EXOC2: variants seen among roughly 807,000 people sequenced by gnomAD.
EXOC2 encodes the protein exocyst complex component 2, also known as SEC5-like 1.
In EXOC2, 70 loss-of-function variants were observed where a neutral mutation model predicts 131.8. The observed-to-expected ratio is 0.53, with a 90% CI of 0.44 to 0.65. The LOEUF is 0.65. EXOC2 is among the 30% of genes least tolerant of loss of function. EXOC2 has a pLI of 0.00. For missense variants in EXOC2, 923 were observed against 1,108.6 expected (o/e 0.83, Z 2.38); for synonymous variants, 411 against 398.4 (o/e 1.03, Z -0.38).
At chr6:603,139 GGA>G (rs1380958477) in intron 7 of EXOC2, among the ~76,000 whole-genome samples, 1 of 152,164 alleles carries the variant, frequency 6.6e-6, no homozygotes, top group African/African-American at 2.4e-5. Context: ...GCTGTGAATT[GGA>G]GAGGTCAGAG....
At chr6:642,834 T>C (rs1762415554) in intron 1 of EXOC2, among the ~76,000 whole-genome samples, 1 of 152,018 alleles carries the variant, frequency 6.6e-6, no homozygotes, top group African/African-American at 2.4e-5. Context: ...TCAATATAGT[T>C]ATAGAAATAG....
chr6:537,141 T>G (rs1766488054), intron 22 of EXOC2, among the ~76,000 whole-genome samples: 1 of 152,200 alleles, frequency 6.6e-6, no homozygotes, highest in Admixed American at 6.5e-5. Flanking sequence ...ATGCAGTTTA[T>G]AACCGAGTTT....
At chr6:673,008 C>G (rs1020167163) in intron 1 of EXOC2, among the ~76,000 whole-genome samples, 1 of 151,744 alleles carries the variant, frequency 6.6e-6, no homozygotes, top group African/African-American at 2.4e-5. Flanking sequence ...CCCTGTAATC[C>G]CAGCACTTTG....
At chr6:508,341 A>G (rs1350656988) in intron 23 of EXOC2, among the ~76,000 whole-genome samples, 1 of 152,134 alleles carries the variant, frequency 6.6e-6, no homozygotes, top group African/African-American at 2.4e-5. Context: ...ATTAGGGTCA[A>G]TTTTGGTGGT....
At chr6:639,165 A>G (rs1762239377) in intron 1 of EXOC2, among the ~76,000 whole-genome samples, 1 of 152,050 alleles carries the variant, frequency 6.6e-6, no homozygotes, top group African/African-American at 2.4e-5. Context: ...GGACTCAGAG[A>G]CCCCCAGCAC....
At chr6:620,364 A>G (rs1315254447) in intron 4 of EXOC2, among the ~76,000 whole-genome samples, 1 of 152,170 alleles carries the variant, frequency 6.6e-6, no homozygotes, top group Non-Finnish European at 1.5e-5. Flanking sequence ...CACTCTAGGC[A>G]TGAAACCTGA....
chr6:512,271 T>C (rs930328421), intron 23 of EXOC2, among the ~76,000 whole-genome samples: 1 of 152,148 alleles, frequency 6.6e-6, no homozygotes, highest in African/African-American at 2.4e-5. Flanking sequence ...CACCCATAGG[T>C]GGGTTTTCTC....
chr6:603,938 G>A (rs556820850), intron 7 of EXOC2, among the ~76,000 whole-genome samples: 2 of 152,186 alleles, frequency 1.3e-5, no homozygotes, highest in African/African-American at 2.4e-5. Flanking sequence ...AATAATGACA[G>A]CTAATAACGA....
intron 4 of EXOC2, 61 bp downstream of exon 4, chr6:629,774 A>C (rs1478058068): frequency 1.3e-6 from 2 of 1,585,362 alleles, no homozygotes; most frequent in Non-Finnish European, 1.7e-6. Flanking sequence ...CTTTCCTGTA[A>C]GTATATAAAA....
At chr6:603,163 G>A (rs1358641135) in intron 7 of EXOC2, among the ~76,000 whole-genome samples, 1 of 152,148 alleles carries the variant, frequency 6.6e-6, no homozygotes, top group Non-Finnish European at 1.5e-5. Flanking sequence ...CAGGACAGAA[G>A]GAACGCCCCC....
chr6:668,620 G>A (rs1019755725), intron 1 of EXOC2, among the ~76,000 whole-genome samples: 3 of 152,062 alleles, frequency 2.0e-5, no homozygotes, highest in Non-Finnish European at 2.9e-5. Context: ...TGGATTAATC[G>A]TACCCCATGT....
At chr6:618,169 C>T (rs770142242) in intron 5 of EXOC2, among the ~76,000 whole-genome samples, 4 of 152,168 alleles carry the variant, frequency 2.6e-5, no homozygotes, top group Non-Finnish European at 5.9e-5. Context: ...GAGTTTTGAA[C>T]ATCCTGTACT....
At chr6:494,560 G>T (rs534236109) in intron 25 of EXOC2, among the ~76,000 whole-genome samples, 1 of 151,752 alleles carries the variant, frequency 6.6e-6, no homozygotes, top group African/African-American at 2.4e-5. Flanking sequence ...TCACAATACA[G>T]AACCAGCACC....
At position 532,465 on chromosome 6, in the gene EXOC2, T is replaced by C. The variant is rs908583656; in HGVS notation, c.2380+4A>G. ...TCTATTACTCAAGAAACTTTATTAC[T>C]TACCTGTTGGAGGCAGGCAGTCCTT... On this transcript the variant is annotated splice_donor_region_variant and intron_variant, in intron 23 of 27. Coordinates refer to ENST00000230449, the MANE Select transcript of EXOC2 (RefSeq NM_018303.6). 2.5e-6 allele frequency: 4 copies of C among 1,572,496 alleles called. No homozygotes were observed. The African/African-American group carries it at 5.5e-5, about 22-fold the overall frequency.
intron 1 of EXOC2, among the ~76,000 whole-genome samples, chr6:659,201 C>G (rs557370963): frequency 4.6e-5 from 7 of 152,224 alleles, no homozygotes; most frequent in Non-Finnish European, 8.8e-5. Flanking sequence ...AAGTTTATGT[C>G]ATTTATTTAA....
intron 22 of EXOC2, among the ~76,000 whole-genome samples, chr6:547,384 A>C (rs1756922923): frequency 6.6e-6 from 1 of 152,204 alleles, no homozygotes; most frequent in South Asian, 2.1e-4. Flanking sequence ...GAGGAGTCTG[A>C]GAGAAGGTCT....
chr6:687,240 T>G (rs1764704917), intron 1 of EXOC2, among the ~76,000 whole-genome samples: 1 of 127,642 alleles, frequency 7.8e-6, no homozygotes, highest in Admixed American at 1.0e-4. Context: ...AGTGCAGTGG[T>G]GCAATCATAG....
At chr6:544,655 G>T (rs1241954825) in intron 22 of EXOC2, among the ~76,000 whole-genome samples, 1 of 152,092 alleles carries the variant, frequency 6.6e-6, no homozygotes, top group Non-Finnish European at 1.5e-5. Flanking sequence ...TATTCAAATG[G>T]TTTCCAACTT....
At chr6:587,058 T>G (rs1322115023) in intron 11 of EXOC2, among the ~76,000 whole-genome samples, 1 of 152,204 alleles carries the variant, frequency 6.6e-6, no homozygotes, top group Admixed American at 6.5e-5. Flanking sequence ...ATTTATATTA[T>G]ATATAATTAG....
Sources: gnomAD v4.1 joint callset for allele counts (sites outside exome capture counted in the v4.1 genomes callset) on GRCh38, gnomAD v4.1.1 for gene constraint, MANE v1.5 for transcripts, NCBI Gene and HGNC (gene_info 2026-07-23, HGNC 2026-07-21) for gene names.